Variants in HCN1 observed in about 807,000 individuals in gnomAD.
HCN1 encodes the protein hyperpolarization activated cyclic nucleotide gated potassium channel 1, also known as potassium/sodium hyperpolarization-activated cyclic nucleotide-gated channel 1.
A neutral mutation model predicts 78.9 loss-of-function variants in HCN1; 13 were observed. The observed-to-expected ratio is 0.16, with a 90% CI of 0.11 to 0.26. The LOEUF (loss-of-function observed/expected upper bound fraction) is 0.26. HCN1 is among the 10% of genes least tolerant of loss of function. The pLI is 1.00. For missense variants in HCN1, 810 were observed against 1,154.3 expected (o/e 0.70, Z 4.32); for synonymous variants, 552 against 455.5 (o/e 1.21, Z -2.70).
At chr5:45,342,068 C>G (rs1746594496) in intron 5 of HCN1, among the ~76,000 whole-genome samples, 1 of 151,996 alleles carries the variant, frequency 6.6e-6, no homozygotes, top group Non-Finnish European at 1.5e-5. Flanking sequence ...TTCCCAGGAC[C>G]CTCAATTCTT....
intron 5 of HCN1, among the ~76,000 whole-genome samples, chr5:45,340,169 C>T (rs746292737): frequency 2.5e-4 from 38 of 152,144 alleles, no homozygotes; most frequent in Non-Finnish European, 4.4e-4. Context: ...AACCCACCTG[C>T]ATCAACCTCC....
chr5:45,334,823 T>G (rs1219012178), intron 5 of HCN1, among the ~76,000 whole-genome samples: 1 of 152,030 alleles, frequency 6.6e-6, no homozygotes, highest in Non-Finnish European at 1.5e-5. Flanking sequence ...TCTTAAAATT[T>G]ATAAGATGCT....
chr5:45,688,311 T>C (rs1739846302), intron 1 of HCN1, among the ~76,000 whole-genome samples: 1 of 152,100 alleles, frequency 6.6e-6, no homozygotes, highest in Non-Finnish European at 1.5e-5. Context: ...GTGACAAAAT[T>C]AATATTCACA....
chr5:45,450,483 G>A (rs763829574), intron 3 of HCN1, among the ~76,000 whole-genome samples: 1 of 152,102 alleles, frequency 6.6e-6, no homozygotes, highest in Non-Finnish European at 1.5e-5. Flanking sequence ...CAATCTTGGT[G>A]ATTATATATA....
chr5:45,526,950 T>C (rs934776128), intron 2 of HCN1, among the ~76,000 whole-genome samples: 23 of 148,944 alleles, frequency 1.5e-4, no homozygotes, highest in African/African-American at 5.2e-4. Context: ...GGGAAGCCAA[T>C]TAAAATGTCT....
At chr5:45,324,316 A>G (rs1746192106) in intron 5 of HCN1, among the ~76,000 whole-genome samples, 2 of 152,028 alleles carry the variant, frequency 1.3e-5, no homozygotes, top group Non-Finnish European at 2.9e-5. Flanking sequence ...CAAGAAAAAA[A>G]CAACCCCATC....
intron 3 of HCN1, among the ~76,000 whole-genome samples, chr5:45,408,063 C>A (rs990068903): frequency 6.6e-6 from 1 of 151,872 alleles, no homozygotes; most frequent in Non-Finnish European, 1.5e-5. Flanking sequence ...TACAGTTGTA[C>A]AATGTGCTTG....
intron 4 of HCN1, among the ~76,000 whole-genome samples, chr5:45,385,382 A>T (rs1432389410): frequency 6.6e-6 from 1 of 152,036 alleles, no homozygotes; most frequent in Non-Finnish European, 1.5e-5. Flanking sequence ...AAGGAAATTG[A>T]TTTGTAAATT....
At chr5:45,643,260 ATCTGTTCAT>A (rs1397228970) in intron 2 of HCN1, 1 of 152,062 alleles carries the variant, frequency 6.6e-6, no homozygotes, top group African/African-American at 2.4e-5. Flanking sequence ...ATAGGATGCC[ATCTGTTCAT>A]CCTGCTGCCA....
rs182981473 is a variant in HCN1, at chr5:45,544,413, C to T, written c.850-82406G>A. Among the ~76,000 whole-genome samples, 430 of 151,970 alleles carry T rather than the reference C, an allele frequency of 2.8e-3. 2 individuals are homozygous for T. The highest frequency in any genetic ancestry group is 0.014 in the Middle Eastern group (4 of 292). On this transcript the variant is annotated intron_variant, in intron 2 of 7. Coordinates refer to ENST00000303230, the MANE Select transcript of HCN1 (RefSeq NM_021072.4). ...TTCGTATTTAGAAAATCACCAGTTA[C>T]CTCCTATTTGACAAAGCAAATGGCA... is the stretch of plus-strand genomic sequence containing the variant.
At chr5:45,609,920 T>G (rs1744801130) in intron 2 of HCN1, among the ~76,000 whole-genome samples, 2 of 152,142 alleles carry the variant, frequency 1.3e-5, no homozygotes, top group Admixed American at 6.6e-5. Flanking sequence ...AGTAATTGTG[T>G]GAAGCTGATA....
chr5:45,376,626 T>TA, intron 4 of HCN1, among the ~76,000 whole-genome samples: 1 of 151,844 alleles, frequency 6.6e-6, no homozygotes, highest in Non-Finnish European at 1.5e-5. Flanking sequence ...AAAGAATGTT[T>TA]AATAGTCCCA....
At chr5:45,266,958 C>G in intron 7 of HCN1, 131 bp downstream of exon 7, 1 of 786,412 alleles carries the variant, frequency 1.3e-6, no homozygotes, top group Non-Finnish European at 2.2e-6. Context: ...ATCCACCTGC[C>G]TTGGCCTCCC....
intron 2 of HCN1, among the ~76,000 whole-genome samples, chr5:45,539,472 C>T (rs1579956998): frequency 1.3e-5 from 2 of 150,972 alleles, no homozygotes; most frequent in African/African-American, 4.8e-5. Flanking sequence ...ACCATCTTGG[C>T]TAACACGGTG....
intron 2 of HCN1, among the ~76,000 whole-genome samples, chr5:45,540,348 G>T (rs757971958): frequency 2.7e-5 from 4 of 148,046 alleles, no homozygotes; most frequent in East Asian, 4.0e-4. Flanking sequence ...TTTTGAGAGA[G>T]AGAGAGTCTC....
intron 5 of HCN1, among the ~76,000 whole-genome samples, chr5:45,336,947 A>G (rs1270474527): frequency 1.3e-5 from 2 of 151,976 alleles, no homozygotes; most frequent in South Asian, 2.1e-4. Flanking sequence ...ACCTCCTAAT[A>G]TCATCACCTT....
intron 1 of HCN1, among the ~76,000 whole-genome samples, chr5:45,665,472 T>C (rs573626598): frequency 6.2e-5 from 9 of 145,142 alleles, no homozygotes; most frequent in African/African-American, 1.3e-4. Flanking sequence ...AAAAAAGATA[T>C]GGCTTTTACC....
At chr5:45,664,355 C>A (rs1363367345) in intron 1 of HCN1, among the ~76,000 whole-genome samples, 1 of 141,964 alleles carries the variant, frequency 7.0e-6, no homozygotes, top group Non-Finnish European at 1.5e-5. Context: ...ATACCTAATG[C>A]TAGATGACAC....
Position 45,498,766 on chromosome 5 carries a change from G to T in HCN1, c.850-36759C>A, listed in dbSNP as rs540855960. On this transcript the variant is annotated intron_variant, in intron 2 of 7. Transcript: ENST00000303230. ...TGATGTACAGATGGGTTTTTGGTGTGGATGTCCTTTGTGTTTGTTAGTTTT... is the reference window on the plus strand; with the variant it reads ...TGATGTACAGATGGGTTTTTGGTGTTGATGTCCTTTGTGTTTGTTAGTTTT... 1.2e-3 allele frequency among the ~76,000 whole-genome samples: 183 copies of T among 152,176 alleles called. 1 individual carries two copies. Among genetic ancestry groups the T allele is most frequent in the African/African-American group, 4.3e-3 (178 of 41,518 alleles).
Sources: gnomAD v4.1 joint callset for allele counts (sites outside exome capture counted in the v4.1 genomes callset) on GRCh38, gnomAD v4.1.1 for gene constraint, MANE v1.5 for transcripts, NCBI Gene and HGNC (gene_info 2026-07-23, HGNC 2026-07-21) for gene names.